Variants in EIF3L observed in about 807,000 individuals in gnomAD.
EIF3L encodes the protein eIEF associated protein HSPC021.
EIF3L carries 32 observed loss-of-function variants against 74.6 expected under a neutral mutation model. The ratio of observed to expected loss-of-function variants is 0.43; its 90% confidence interval spans 0.32 to 0.58. EIF3L has a LOEUF of 0.58. Among genes scored for constraint, EIF3L ranks in the 20% least tolerant of loss-of-function variants. The pLI is 0.06. For synonymous variants in EIF3L, 256 were observed against 254.4 expected, an observed-to-expected ratio of 1.01 and a Z score of -0.06; for missense variants, 474 against 707.8, an observed-to-expected ratio of 0.67 and a Z score of 3.75.
At chr22:37,876,080 A>G in intron 10 of EIF3L, 69 bp downstream of exon 10, 1 of 1,523,582 alleles carries the variant, frequency 6.6e-7, no homozygotes, top group Non-Finnish European at 8.9e-7. Context: ...TATGCCAACC[A>G]TTCTTGGTAA....
At chr22:37,860,551 T>C (rs1000559504) in intron 5 of EIF3L, among the ~76,000 whole-genome samples, 1 of 152,162 alleles carries the variant, frequency 6.6e-6, no homozygotes, top group Non-Finnish European at 1.5e-5. Flanking sequence ...TTTTGTATTT[T>C]TAGTAGAGAC....
intron 11 of EIF3L, chr22:37,879,062 G>T (rs954787927): frequency 6.6e-6 from 1 of 151,154 alleles, no homozygotes; most frequent in Non-Finnish European, 1.5e-5. Context: ...TCCTGCCTCA[G>T]CATCCTGAGT....
rs1325453450 is a variant in EIF3L at position 37,863,289 on chromosome 22, C to G, written c.523C>G (p.Pro175Ala). The G allele has an allele frequency of 6.2e-7, 1 of 1,613,698 alleles. No homozygotes were observed. Among genetic ancestry groups the G allele is most frequent in the Non-Finnish European group, 8.5e-7 (1 of 1,179,894 alleles). Reference sequence around the variant, plus strand: ...CTGCACAGATGCCGATGGTCCTGCTCCCCTTGAACTACCCAACCAGTGGCT... The same window carrying G: ...CTGCACAGATGCCGATGGTCCTGCTGCCCTTGAACTACCCAACCAGTGGCT... ...NYILNADGPA[P>A]LELPNQWLWD... The change falls in exon 7 of 13, where the codon CCC becomes GCC. Residue 175 changes from proline to alanine, a missense_variant. Pro to Ala is a conservative substitution (Grantham distance 27). Around this residue, in one of 4 missense-constraint regions of EIF3L, gnomAD observed 141 missense variants for 197.7 expected, o/e 0.71. Transcript: ENST00000652021.
In EIF3L at chr22:37,884,612, T is replaced by C. The variant is rs560109338; in HGVS notation, c.1576-2153T>C. 2.0e-5 allele frequency: 3 copies of C among 152,188 alleles called. No homozygotes were observed. The East Asian group carries it at 5.8e-4, about 29-fold the overall frequency. The allele number at this position is 152,188 out of a possible 1,614,324, so 9.4% of individuals were successfully genotyped here. A position where few individuals can be genotyped will look rare whatever the true frequency, so the allele number is the denominator to read the frequency against. On this transcript the variant is annotated intron_variant, in intron 11 of 12. Coordinates refer to ENST00000652021, the MANE Select transcript of EIF3L (RefSeq NM_016091.4). ...AGTAATAACACGTCAGTAGTGGAAG[T>C]TTTCCAGTGTTTTAAATCATGCTTT... is the stretch of plus-strand genomic sequence containing the variant.
intron 2 of EIF3L, 31 bp downstream of exon 2, chr22:37,850,094 T>C (rs1256573447): frequency 6.2e-7 from 1 of 1,611,818 alleles, no homozygotes; most frequent in African/African-American, 1.3e-5. Context: ...GGCTGAGTAC[T>C]CGTAGGGATC....
intron 12 of EIF3L, 118 bp downstream of exon 12, chr22:37,886,963 C>CT (rs1569126462): frequency 1.3e-6 from 1 of 763,950 alleles, no homozygotes; most frequent in Non-Finnish European, 2.0e-6. Context: ...GAGTCTTGTG[C>CT]TGTCACCCAT....
intron 11 of EIF3L, 161 bp from the exon 12 acceptor site, chr22:37,886,604 T>A: frequency 2.1e-6 from 1 of 469,782 alleles, no homozygotes; most frequent in South Asian, 2.5e-5. Flanking sequence ...CTAGAAAGAG[T>A]GAGTTACTGT....
At chr22:37,864,911 C>A (rs925834484) in intron 7 of EIF3L, among the ~76,000 whole-genome samples, 5 of 152,132 alleles carry the variant, frequency 3.3e-5, no homozygotes, top group Non-Finnish European at 7.3e-5. Flanking sequence ...CATTGGTTTC[C>A]CCATCTCTAA....
At chr22:37,868,137 C>G (rs1926262627) in intron 7 of EIF3L, among the ~76,000 whole-genome samples, 1 of 111,846 alleles carries the variant, frequency 8.9e-6, no homozygotes, top group Non-Finnish European at 1.7e-5. Context: ...TTTTTTGAGA[C>G]AGAGTCTCGC....
intron 5 of EIF3L, among the ~76,000 whole-genome samples, chr22:37,859,513 C>T (rs1925737488): frequency 6.6e-6 from 1 of 151,270 alleles, no homozygotes; most frequent in African/African-American, 2.4e-5. Flanking sequence ...TCCTGAGTAG[C>T]TGGGATTGCA....
intron 8 of EIF3L, among the ~76,000 whole-genome samples, chr22:37,872,758 G>A (rs968487429): frequency 2.0e-5 from 3 of 151,564 alleles, no homozygotes; most frequent in South Asian, 2.1e-4. Flanking sequence ...AGCTAGGAAC[G>A]CAGGTTTGCA....
At chr22:37,850,618 C>A (rs1422724744) in intron 2 of EIF3L, 2 of 165,374 alleles carry the variant, frequency 1.2e-5, no homozygotes, top group Admixed American at 6.0e-5. Context: ...GGATTACAGG[C>A]GTGAGCCACC....
intron 6 of EIF3L, 24 bp from the exon 7 acceptor site, chr22:37,863,248 A>G: frequency 6.3e-7 from 1 of 1,599,616 alleles, no homozygotes; most frequent in South Asian, 1.1e-5. Flanking sequence ...TTTGAATCTG[A>G]CTTTTCTGTG....
intron 9 of EIF3L, among the ~76,000 whole-genome samples, chr22:37,874,859 G>T (rs929912870): frequency 2.0e-5 from 3 of 151,106 alleles, no homozygotes; most frequent in African/African-American, 7.3e-5. Flanking sequence ...CTCCTGAGTA[G>T]CTGGGACTAC....
intron 8 of EIF3L, among the ~76,000 whole-genome samples, chr22:37,870,732 G>T (rs915634341): frequency 9.2e-5 from 14 of 151,936 alleles, no homozygotes; most frequent in Non-Finnish European, 1.9e-4. Context: ...GTGAAGAGTG[G>T]CATTTTTGCA....
intron 5 of EIF3L, among the ~76,000 whole-genome samples, chr22:37,859,433 G>A (rs1601759107): frequency 7.8e-6 from 1 of 128,618 alleles, no homozygotes; most frequent in Non-Finnish European, 1.5e-5. Context: ...CCAGGCTGGA[G>A]TACAGTGGCG....
At chr22:37,858,006 A>G (rs972046870) in intron 4 of EIF3L, among the ~76,000 whole-genome samples, 2 of 151,846 alleles carry the variant, frequency 1.3e-5, no homozygotes, top group Non-Finnish European at 2.9e-5. Flanking sequence ...CCCCTTCTCT[A>G]CAAAAAATTT....
chr22:37,867,522 G>C (rs1056166343), intron 7 of EIF3L, among the ~76,000 whole-genome samples: 1 of 151,254 alleles, frequency 6.6e-6, no homozygotes, highest in African/African-American at 2.4e-5. Flanking sequence ...ACCCAGACTT[G>C]GTGGTGCATG....
chr22:37,849,998 T>C lies in EIF3L; in HGVS notation c.34-17T>C. On this transcript the variant is annotated splice_polypyrimidine_tract_variant and intron_variant, in intron 1 of 12. Coordinates refer to ENST00000652021, the MANE Select transcript of EIF3L (RefSeq NM_016091.4). ...ACGACTTGGCGGCTGTCCTTGACTG[T>C]GTCTCTTTCCTTCTAGGCGGCTTAT... The C allele has an allele frequency of 1.2e-6, 2 of 1,613,700 alleles. No homozygotes were observed. Among genetic ancestry groups the C allele is most frequent in the Middle Eastern group, 1.7e-4 (1 of 6,056 alleles).
Sources: gnomAD v4.1 joint callset for allele counts (sites outside exome capture counted in the v4.1 genomes callset) on GRCh38, gnomAD v4.1.1 for gene constraint, gnomAD v4.1.1 regional missense constraint, MANE v1.5 for transcripts, NCBI Gene and HGNC (gene_info 2026-07-23, HGNC 2026-07-21) for gene names.